The following TBC1D32 variants were observed in gnomAD, a reference collection of about 807,000 sequenced individuals.
The protein encoded by TBC1D32 is TBC1 domain family member 32, also known as protein broad-minded.
In TBC1D32, 151 loss-of-function variants were observed where a neutral mutation model predicts 170.3. The ratio of observed to expected loss-of-function variants is 0.89; its 90% CI spans 0.78 to 1.01. The LOEUF (loss-of-function observed/expected upper bound fraction) is 1.01. Among genes scored for constraint, TBC1D32 ranks in the 50% least tolerant of loss-of-function variants. The probability of loss-of-function intolerance (pLI) is 0.00; values close to 1 mark genes in which losing one functional copy is unlikely to be tolerated. For synonymous variants in TBC1D32, 498 were observed against 488.0 expected (o/e 1.02, Z -0.27); for missense variants, 1,464 against 1,457.1 (o/e 1.00, Z -0.08).
At chr6:121,121,734 T>C (rs1174878809) in intron 26 of TBC1D32, among the ~76,000 whole-genome samples, 1 of 152,018 alleles carries the variant, frequency 6.6e-6, no homozygotes, top group African/African-American at 2.4e-5. Context: ...CATTCTTTCC[T>C]TTATTTGACA....
At chr6:121,136,223 A>G (rs541480755) in intron 24 of TBC1D32, among the ~76,000 whole-genome samples, 1 of 152,324 alleles carries the variant, frequency 6.6e-6, no homozygotes, top group African/African-American at 2.4e-5. Flanking sequence ...CAATACTGCC[A>G]TCTCAGTAAA....
intron 2 of TBC1D32, among the ~76,000 whole-genome samples, chr6:121,319,223 A>G (rs1809351049): frequency 6.6e-6 from 1 of 152,098 alleles, no homozygotes; most frequent in African/African-American, 2.4e-5. Context: ...AGAAACATAC[A>G]GAAGGTAACT....
rs878868989 is a variant in TBC1D32, at chr6:121,242,362, A to G, written c.2019-23T>C. 10 of 1,606,020 alleles carry G rather than the reference A, an allele frequency of 6.2e-6. No individual in the cohort carries two copies. In the South Asian group the frequency reaches 1.1e-4, roughly 18 times the overall value. The stretch of plus-strand genomic sequence containing the variant: ...ATACTGAAATAGGTAAAAGAAAGGT[A>G]GAGCTTTCTTTAAGATACTAAAAAC... On this transcript the variant is annotated intron_variant, in intron 17 of 31. Coordinates refer to ENST00000398212, the MANE Select transcript of TBC1D32 (RefSeq NM_152730.6).
chr6:121,297,912 G>C (rs1163626235), intron 10 of TBC1D32, among the ~76,000 whole-genome samples: 2 of 152,048 alleles, frequency 1.3e-5, no homozygotes, highest in African/African-American at 4.8e-5. Flanking sequence ...CTGATGAGAA[G>C]CTAGAGGAAA....
intron 24 of TBC1D32, among the ~76,000 whole-genome samples, chr6:121,137,761 G>C (rs1221851976): frequency 6.6e-6 from 1 of 151,834 alleles, no homozygotes; most frequent in Non-Finnish European, 1.5e-5. Flanking sequence ...AAGAACTTCT[G>C]TATAGTTCTT....
intron 15 of TBC1D32, among the ~76,000 whole-genome samples, chr6:121,268,717 C>T (rs531987125): frequency 1.7e-4 from 26 of 152,202 alleles, no homozygotes; most frequent in Admixed American, 5.9e-4. Flanking sequence ...ACTTCCCCAA[C>T]CTAGCAAGGC....
intron 9 of TBC1D32, among the ~76,000 whole-genome samples, chr6:121,301,563 G>A (rs1322474938): frequency 1.3e-5 from 2 of 152,064 alleles, no homozygotes. Flanking sequence ...GGGATGGATA[G>A]CATTAGGAAA....
chr6:121,247,695 C>CAAAAAAAAAAAAAAAAAAAA (rs34914027), intron 17 of TBC1D32, among the ~76,000 whole-genome samples: 6 of 46,572 alleles, frequency 1.3e-4, no homozygotes, highest in African/African-American at 3.1e-4. Flanking sequence ...GGCTTTAAAG[C>CAAAAAAAAAAAAAAAAAAAA]AAAAAAAAAA....
intron 1 of TBC1D32, among the ~76,000 whole-genome samples, chr6:121,325,672 T>A (rs1007259700): frequency 2.6e-5 from 4 of 152,150 alleles, no homozygotes; most frequent in African/African-American, 9.7e-5. Flanking sequence ...ATAAAAACCC[T>A]AGAAGAAAAC....
intron 17 of TBC1D32, among the ~76,000 whole-genome samples, chr6:121,246,019 A>T (rs1477877272): frequency 6.6e-6 from 1 of 152,180 alleles, no homozygotes; most frequent in East Asian, 1.9e-4. Flanking sequence ...TGGGTATTAC[A>T]TCTACTCACC....
intron 31 of TBC1D32, among the ~76,000 whole-genome samples, chr6:121,082,065 T>G (rs1329850247): frequency 2.0e-5 from 3 of 152,086 alleles, no homozygotes; most frequent in African/African-American, 7.2e-5. Context: ...AAGATAATTG[T>G]GAAATTATTT....
chr6:121,323,220 G>A (rs1233363949), intron 1 of TBC1D32, among the ~76,000 whole-genome samples: 1 of 151,970 alleles, frequency 6.6e-6, no homozygotes, highest in Non-Finnish European at 1.5e-5. Flanking sequence ...TTTCATTACT[G>A]CCTCCCTTTT....
At chr6:121,302,217 C>T (rs975917521) in intron 9 of TBC1D32, among the ~76,000 whole-genome samples, 1 of 152,090 alleles carries the variant, frequency 6.6e-6, no homozygotes, top group African/African-American at 2.4e-5. Flanking sequence ...TTCACTGGAA[C>T]AGTCAAGTCC....
chr6:121,161,529 A>T (rs1785659781), intron 22 of TBC1D32, among the ~76,000 whole-genome samples: 1 of 152,126 alleles, frequency 6.6e-6, no homozygotes, highest in African/African-American at 2.4e-5. Context: ...AAAGGACATG[A>T]TCCTTTCTAT....
At chr6:121,155,278 G>A (rs1252842270) in intron 24 of TBC1D32, among the ~76,000 whole-genome samples, 1 of 151,924 alleles carries the variant, frequency 6.6e-6, no homozygotes, top group African/African-American at 2.4e-5. Flanking sequence ...TATAGCAAAT[G>A]GGATTATGTT....
chr6:121,314,671 G>C (rs773018016), intron 3 of TBC1D32, among the ~76,000 whole-genome samples: 4 of 152,128 alleles, frequency 2.6e-5, no homozygotes, highest in African/African-American at 9.7e-5. Context: ...TAATTACTGC[G>C]GAGGAAGAGA....
chr6:121,285,800 A>G (rs1803719337), intron 12 of TBC1D32, among the ~76,000 whole-genome samples: 1 of 152,144 alleles, frequency 6.6e-6, no homozygotes, highest in Admixed American at 6.5e-5. Flanking sequence ...CTTCCAAAGG[A>G]ACAATCAGGC....
chr6:121,160,128 C>G (rs532836457), intron 23 of TBC1D32, 25 bp from the exon 24 acceptor site: 1 of 1,391,782 alleles, frequency 7.2e-7, no homozygotes, highest in South Asian at 1.2e-5. Flanking sequence ...AGACAGATGA[C>G]TTTAGGAAGT....
intron 20 of TBC1D32, among the ~76,000 whole-genome samples, chr6:121,235,555 A>T (rs1343975163): frequency 1.3e-5 from 2 of 152,186 alleles, no homozygotes; most frequent in African/African-American, 4.8e-5. Context: ...CAGCCTCACC[A>T]TGCTCTCATG....
Sources: gnomAD v4.1 joint callset for allele counts (sites outside exome capture counted in the v4.1 genomes callset) on GRCh38, gnomAD v4.1.1 for gene constraint, MANE v1.5 for transcripts, NCBI Gene and HGNC (gene_info 2026-07-23, HGNC 2026-07-21) for gene names.